The following PLCL1 variants were observed in gnomAD, a reference collection of about 807,000 sequenced individuals.
PLCL1 encodes phospholipase C like 1 (inactive).
PLCL1 carries 41 observed loss-of-function variants against 84.4 expected under a neutral mutation model. That is an observed-to-expected ratio of 0.49 (90% CI 0.38 to 0.63). The LOEUF (loss-of-function observed/expected upper bound fraction) is 0.63, where lower values mean the gene tolerates loss of function less well. Ranked by LOEUF, PLCL1 falls within the 30% of genes least tolerant of loss-of-function variation. The pLI is 0.00. For synonymous variants in PLCL1, 490 were observed against 488.3 expected (o/e 1.00, Z -0.05); for missense variants, 1,206 against 1,367.8 (o/e 0.88, Z 1.87).
intron 1 of PLCL1, among the ~76,000 whole-genome samples, chr2:198,027,283 C>T (rs1691292275): frequency 6.6e-6 from 1 of 152,144 alleles, no homozygotes; most frequent in Admixed American, 6.6e-5. Context: ...CCTGCCCTCT[C>T]TCATATGCAG....
chr2:197,808,529 A>G (rs73054840), intron 1 of PLCL1, among the ~76,000 whole-genome samples: 2,766 of 152,292 alleles, frequency 0.018, 76 homozygotes, highest in African/African-American at 0.061. Flanking sequence ...AAAAGTCTAG[A>G]TCATATAAGA....
chr2:197,923,683 C>A (rs1213869265), intron 1 of PLCL1, among the ~76,000 whole-genome samples: 1 of 146,752 alleles, frequency 6.8e-6, no homozygotes, highest in African/African-American at 2.5e-5. Context: ...ACTGGGCAGC[C>A]AGGCAGAGAG....
chr2:198,055,829 G>A (rs766968496), intron 1 of PLCL1, among the ~76,000 whole-genome samples: 21 of 151,964 alleles, frequency 1.4e-4, no homozygotes, highest in Non-Finnish European at 2.5e-4. Flanking sequence ...GTAGTGATAG[G>A]GATGAAATAA....
intron 1 of PLCL1, among the ~76,000 whole-genome samples, chr2:197,892,602 C>A (rs921420485): frequency 6.6e-6 from 1 of 152,090 alleles, no homozygotes; most frequent in East Asian, 1.9e-4. Flanking sequence ...TAGAAGCTGG[C>A]GGTAGACAGA....
intron 1 of PLCL1, among the ~76,000 whole-genome samples, chr2:197,852,411 T>TA (rs1172192583): frequency 6.6e-6 from 1 of 152,140 alleles, no homozygotes; most frequent in Non-Finnish European, 1.5e-5. Flanking sequence ...CTACAGCTTG[T>TA]AAAAAAATCT....
intron 1 of PLCL1, among the ~76,000 whole-genome samples, chr2:197,994,169 A>G (rs1344267373): frequency 6.6e-6 from 1 of 152,204 alleles, no homozygotes; most frequent in Non-Finnish European, 1.5e-5. Context: ...GATGAGACTC[A>G]TAGCACACCA....
intron 1 of PLCL1, among the ~76,000 whole-genome samples, chr2:197,933,927 T>C (rs1408482290): frequency 6.6e-6 from 1 of 152,196 alleles, no homozygotes; most frequent in African/African-American, 2.4e-5. Context: ...TAAAATAAAC[T>C]TCCTGAAAGA....
intron 5 of PLCL1, among the ~76,000 whole-genome samples, chr2:198,144,691 C>T (rs1341325775): frequency 2.6e-5 from 4 of 152,140 alleles, no homozygotes; most frequent in African/African-American, 9.7e-5. Flanking sequence ...ATGCTCCAAC[C>T]CTCGTCCCTG....
chr2:197,884,137 T>G (rs1687878008), intron 1 of PLCL1, among the ~76,000 whole-genome samples: 1 of 152,190 alleles, frequency 6.6e-6, no homozygotes, highest in African/African-American at 2.4e-5. Flanking sequence ...AAACACACAG[T>G]AATTTATTCC....
intron 3 of PLCL1, among the ~76,000 whole-genome samples, chr2:198,094,272 A>G (rs1195360103): frequency 6.6e-6 from 1 of 152,158 alleles, no homozygotes; most frequent in Non-Finnish European, 1.5e-5. Context: ...CATGTTAGCC[A>G]GGATGGTCTT....
At chr2:198,121,376 A>G (rs1222457912) in intron 5 of PLCL1, among the ~76,000 whole-genome samples, 1 of 152,052 alleles carries the variant, frequency 6.6e-6, no homozygotes, top group African/African-American at 2.4e-5. Context: ...GTATTACTTA[A>G]GACACATTTC....
chr2:197,862,957 A>T (rs1264673425), intron 1 of PLCL1, among the ~76,000 whole-genome samples: 2 of 152,174 alleles, frequency 1.3e-5, no homozygotes, highest in Non-Finnish European at 2.9e-5. Flanking sequence ...TAAAGCTGAC[A>T]TGGCAAGCCA....
chr2:197,996,565 T>G (rs987611493), intron 1 of PLCL1, among the ~76,000 whole-genome samples: 1 of 152,036 alleles, frequency 6.6e-6, no homozygotes, highest in African/African-American at 2.4e-5. Context: ...GTAGGAGCAC[T>G]GTATTTTCTG....
chr2:198,016,486 T>C (rs911758474), intron 1 of PLCL1, among the ~76,000 whole-genome samples: 2 of 152,202 alleles, frequency 1.3e-5, no homozygotes, highest in African/African-American at 4.8e-5. Context: ...GGCTGCAGTC[T>C]AGTGGAAATA....
At chr2:197,991,658 T>C (rs1366665930) in intron 1 of PLCL1, among the ~76,000 whole-genome samples, 2 of 152,224 alleles carry the variant, frequency 1.3e-5, no homozygotes, top group Non-Finnish European at 2.9e-5. Context: ...GTATATTTAT[T>C]CCAAACTTCA....
chr2:197,927,736 C>A (rs1688859407), intron 1 of PLCL1, among the ~76,000 whole-genome samples: 2 of 152,068 alleles, frequency 1.3e-5, no homozygotes, highest in Admixed American at 1.3e-4. Context: ...ATGGGTCAAA[C>A]TTTTGATTCA....
chr2:197,868,572 C>G (rs1466635919), intron 1 of PLCL1, among the ~76,000 whole-genome samples: 2 of 152,108 alleles, frequency 1.3e-5, no homozygotes, highest in Non-Finnish European at 2.9e-5. Flanking sequence ...ACGATCATAG[C>G]TGACTGGAGC....
intron 1 of PLCL1, among the ~76,000 whole-genome samples, chr2:197,820,283 G>A (rs1406466094): frequency 1.3e-5 from 2 of 152,054 alleles, no homozygotes; most frequent in African/African-American, 2.4e-5. Flanking sequence ...TGTTGCTGCT[G>A]TAATAAGTTG....
chr2:197,961,264 A>AGAGAGAGAGAGAGAGAGAGC (rs1353312792), intron 1 of PLCL1, among the ~76,000 whole-genome samples: 2 of 139,632 alleles, frequency 1.4e-5, no homozygotes, highest in East Asian at 4.0e-4. Context: ...AGAGAGAGAG[A>AGAGAGAGAGAGAGAGAGAGC]GAGCGAGCAT....
Sources: gnomAD v4.1 joint callset for allele counts (sites outside exome capture counted in the v4.1 genomes callset) on GRCh38, gnomAD v4.1.1 for gene constraint, MANE v1.5 for transcripts, NCBI Gene and HGNC (gene_info 2026-07-23, HGNC 2026-07-21) for gene names.